The following PLB1 variants were observed in gnomAD, a reference collection of about 807,000 sequenced individuals.
PLB1 encodes phospholipase B1, membrane-associated.
In PLB1, 242 loss-of-function variants were observed where a neutral mutation model predicts 227.4. The ratio of observed to expected loss-of-function variants is 1.06; its 90% CI spans 0.96 to 1.18. PLB1 has a LOEUF of 1.18. Ranked by LOEUF, PLB1 falls within the 50% of genes most tolerant of loss-of-function variation. The pLI, the probability that PLB1 is intolerant of heterozygous loss-of-function variation, is 0.00. For missense variants in PLB1, 1,858 were observed against 1,816.3 expected (o/e 1.02, Z -0.42); for synonymous variants, 757 against 682.2 (o/e 1.11, Z -1.71).
chr2:28,511,935 C>T (rs1223496303), intron 1 of PLB1, among the ~76,000 whole-genome samples: 1 of 151,134 alleles, frequency 6.6e-6, no homozygotes, highest in Non-Finnish European at 1.5e-5. Flanking sequence ...CAGGCACCTA[C>T]CACCGTGCCT....
intron 14 of PLB1, among the ~76,000 whole-genome samples, chr2:28,548,028 A>G (rs912587497): frequency 6.6e-6 from 1 of 151,922 alleles, no homozygotes; most frequent in Admixed American, 6.6e-5. Context: ...GTAGCTGCCT[A>G]TTTCACAGCG....
At chr2:28,557,840 A>G (rs1290925065) in intron 17 of PLB1, among the ~76,000 whole-genome samples, 1 of 152,246 alleles carries the variant, frequency 6.6e-6, no homozygotes, top group Non-Finnish European at 1.5e-5. Context: ...TGTGTGTGTC[A>G]TTAATGATGA....
At chr2:28,586,750 A>T (rs1292452464) in intron 26 of PLB1, among the ~76,000 whole-genome samples, 1 of 151,874 alleles carries the variant, frequency 6.6e-6, no homozygotes, top group Non-Finnish European at 1.5e-5. Context: ...ATTTATTTTT[A>T]TATATTTATC....
chr2:28,570,532 T>C (rs1677836879), intron 20 of PLB1, among the ~76,000 whole-genome samples: 1 of 152,194 alleles, frequency 6.6e-6, no homozygotes, highest in Non-Finnish European at 1.5e-5. Flanking sequence ...ACGCCTGTAC[T>C]ACCAGCACTT....
At chr2:28,607,624 G>A (rs556147021) in intron 43 of PLB1, among the ~76,000 whole-genome samples, 3 of 152,144 alleles carry the variant, frequency 2.0e-5, no homozygotes, top group African/African-American at 7.2e-5. Flanking sequence ...GATGCCTCTA[G>A]TCCAGGTGGT....
At chr2:28,547,369 G>T (rs1185611466) in intron 14 of PLB1, among the ~76,000 whole-genome samples, 1 of 152,150 alleles carries the variant, frequency 6.6e-6, no homozygotes. Context: ...AAAACAGAAA[G>T]AAGCGTGGAG....
chr2:28,589,381 A>C, intron 26 of PLB1, 69 bp from the exon 27 acceptor site: 4 of 1,163,376 alleles, frequency 3.4e-6, no homozygotes, highest in African/African-American at 1.5e-5. Context: ...TGTTGGAGAA[A>C]GAGATCAATC....
intron 46 of PLB1, among the ~76,000 whole-genome samples, chr2:28,619,084 G>A (rs1325917598): frequency 6.6e-6 from 1 of 152,184 alleles, no homozygotes; most frequent in Non-Finnish European, 1.5e-5. Context: ...ACATGTGCAG[G>A]TTTGTTACAC....
intron 15 of PLB1, among the ~76,000 whole-genome samples, chr2:28,549,355 A>C (rs1673821174): frequency 6.6e-6 from 1 of 150,794 alleles, no homozygotes; most frequent in Non-Finnish European, 1.5e-5. Flanking sequence ...GCTTATAATT[A>C]ATGTTTCCAA....
At chr2:28,608,224 C>T (rs1357817444) in intron 43 of PLB1, among the ~76,000 whole-genome samples, 6 of 152,222 alleles carry the variant, frequency 3.9e-5, no homozygotes, top group Non-Finnish European at 5.9e-5. Context: ...TGAAAGGGTC[C>T]ATCTGTTGGC....
chr2:28,578,636 AGAG>A (rs1679402259), intron 22 of PLB1, among the ~76,000 whole-genome samples: 1 of 152,146 alleles, frequency 6.6e-6, no homozygotes, highest in South Asian at 2.1e-4. Context: ...AAATAAAAGT[AGAG>A]GAGATGTTTG....
At chr2:28,577,094 A>G (rs1573099197) in intron 21 of PLB1, among the ~76,000 whole-genome samples, 1 of 152,204 alleles carries the variant, frequency 6.6e-6, no homozygotes, top group Non-Finnish European at 1.5e-5. Flanking sequence ...TTTCCCCAAC[A>G]ACTCTGTGAA....
chr2:28,632,132 C>T lies in PLB1; in HGVS notation c.3994C>T (p.Leu1332=). 6.2e-7 allele frequency: 1 copy of T among 1,612,558 alleles called. No homozygotes were observed. Among genetic ancestry groups the T allele is most frequent in the Non-Finnish European group, 8.5e-7 (1 of 1,178,596 alleles). The change falls in exon 55 of 58, where the codon CTG becomes TTG. Residue 1332 remains leucine, a synonymous_variant. Coordinates refer to ENST00000327757, the MANE Select transcript of PLB1 (RefSeq NM_153021.5). Reference sequence around the variant, plus strand: ...TTTCTTCCAAAACACACTCACCCCACTGAACGAGGTGAGCTGCAGGTATTT... The same window carrying T: ...TTTCTTCCAAAACACACTCACCCCATTGAACGAGGTGAGCTGCAGGTATTT... The part of the protein sequence containing the change: ...QPFFQNTLTP[L]NERGDTDLTF...
intron 51 of PLB1, 163 bp downstream of exon 51, chr2:28,626,671 C>A: frequency 1.5e-6 from 1 of 662,988 alleles, no homozygotes; most frequent in African/African-American, 1.8e-5. Context: ...CCAGGCAAGG[C>A]CCAGCCTTTT....
chr2:28,619,702 G>A (rs1686742086), intron 46 of PLB1, among the ~76,000 whole-genome samples: 1 of 152,054 alleles, frequency 6.6e-6, no homozygotes, highest in African/African-American at 2.4e-5. Flanking sequence ...AAGGCCCTCA[G>A]GCTTCCAAAA....
chr2:28,536,375 T>C (rs1671679619), intron 9 of PLB1, among the ~76,000 whole-genome samples: 2 of 152,118 alleles, frequency 1.3e-5, no homozygotes, highest in Admixed American at 6.6e-5. Context: ...TCTAGTTAAA[T>C]TTGGCTTTAT....
chr2:28,525,412 G>T (rs1670108232), intron 5 of PLB1, 105 bp downstream of exon 5: 4 of 1,294,430 alleles, frequency 3.1e-6, no homozygotes, highest in African/African-American at 2.9e-5. Context: ...GAGGCTCAGT[G>T]CCTTGCTCAA....
Position 28,626,515 on chromosome 2 carries a change from C to T in PLB1, c.3660+7C>T, listed in dbSNP as rs374794897. On this transcript the variant is annotated splice_region_variant and intron_variant, in intron 51 of 57. Transcript: ENST00000327757. ...TCATTACTGTGAGAATCCGGTAGGC[C>T]CCCGACCAACCCCATGGGGACCTGA... The T allele has an allele frequency of 6.2e-7, 1 of 1,611,864 alleles. No individual in the cohort carries two copies.
chr2:28,553,166 G>A (rs1451380087), intron 17 of PLB1, among the ~76,000 whole-genome samples, 175 bp downstream of exon 17: 1 of 152,166 alleles, frequency 6.6e-6, no homozygotes, highest in Non-Finnish European at 1.5e-5. Flanking sequence ...TAACTAAAAT[G>A]TGATATCATT....
Sources: gnomAD v4.1 joint callset for allele counts (sites outside exome capture counted in the v4.1 genomes callset) on GRCh38, gnomAD v4.1.1 for gene constraint, MANE v1.5 for transcripts, NCBI Gene and HGNC (gene_info 2026-07-23, HGNC 2026-07-21) for gene names.